Variants in ARHGAP44 observed in about 807,000 individuals in gnomAD.
The protein encoded by ARHGAP44 is Rho GTPase activating protein 44.
A neutral mutation model predicts 106.8 loss-of-function variants in ARHGAP44; 43 were observed. That is an observed-to-expected ratio of 0.40 (90% CI 0.32 to 0.52). The LOEUF is 0.52. ARHGAP44 is among the 20% of genes least tolerant of loss of function. The probability of loss-of-function intolerance (pLI) is 0.48; values close to 1 mark genes in which losing one functional copy is unlikely to be tolerated. For missense variants in ARHGAP44, 866 were observed against 1,050.5 expected, an observed-to-expected ratio of 0.82 and a Z score of 2.43; for synonymous variants, 439 against 410.3, an observed-to-expected ratio of 1.07 and a Z score of -0.85.
At chr17:12,818,187 C>T (rs1246979025) in intron 1 of ARHGAP44, among the ~76,000 whole-genome samples, 1 of 151,924 alleles carries the variant, frequency 6.6e-6, no homozygotes, top group African/African-American at 2.4e-5. Flanking sequence ...GTTGGGCCAA[C>T]ATTCACAAAT....
intron 10 of ARHGAP44, among the ~76,000 whole-genome samples, chr17:12,947,417 G>T (rs984005608): frequency 2.0e-5 from 3 of 151,930 alleles, no homozygotes; most frequent in Admixed American, 6.6e-5. Context: ...GTCCCCTCTG[G>T]CCTCTGACCT....
At chr17:12,897,710 CTTTTTT>C (rs71980749) in intron 3 of ARHGAP44, among the ~76,000 whole-genome samples, 5 of 108,952 alleles carry the variant, frequency 4.6e-5, no homozygotes, top group African/African-American at 1.1e-4. Flanking sequence ...TGATCTGTGT[CTTTTTT>C]TTTTTTTTTT....
intron 1 of ARHGAP44, among the ~76,000 whole-genome samples, chr17:12,841,318 G>C (rs1234859524): frequency 6.6e-6 from 1 of 151,896 alleles, no homozygotes; most frequent in Non-Finnish European, 1.5e-5. Context: ...CTTTGGAGGG[G>C]CCAGGCATGG....
intron 1 of ARHGAP44, among the ~76,000 whole-genome samples, chr17:12,850,629 T>C (rs1360095907): frequency 6.6e-6 from 1 of 152,036 alleles, no homozygotes; most frequent in Non-Finnish European, 1.5e-5. Context: ...CCCTCCTTTT[T>C]CCATTCCCTT....
chr17:12,951,674 A>G (rs1211444743), intron 12 of ARHGAP44, among the ~76,000 whole-genome samples: 1 of 152,218 alleles, frequency 6.6e-6, no homozygotes, highest in African/African-American at 2.4e-5. Flanking sequence ...TGAACCAGGG[A>G]AAAACAAGAA....
In ARHGAP44 at chr17:12,789,660, G is replaced by T; in HGVS notation, c.-179G>T. 2.6e-6 allele frequency: 1 copy of T among 386,878 alleles called. No individual in the cohort carries two copies. Among genetic ancestry groups the T allele is most frequent in the Non-Finnish European group, 4.4e-6 (1 of 225,610 alleles). The allele number at this position is 386,878 out of a possible 1,614,324, so 24.0% of individuals were successfully genotyped here. A position where few individuals can be genotyped will look rare whatever the true frequency, so the allele number is the denominator to read the frequency against. On this transcript the variant is annotated 5_prime_UTR_variant, in exon 1 of 21. The change creates a new upstream start codon in the 5' untranslated region. Transcript: ENST00000379672. ...TGCGGCAGGAGGCGGCGCGGCGGGA[G>T]GAGTAGGCGGCGGCGCCCTCGGGAG... is the stretch of plus-strand genomic sequence containing the variant.
intron 1 of ARHGAP44, among the ~76,000 whole-genome samples, chr17:12,796,452 C>G (rs1292418983): frequency 6.6e-6 from 1 of 152,174 alleles, no homozygotes; most frequent in Non-Finnish European, 1.5e-5. Flanking sequence ...ATTATACACA[C>G]ATACATACAC....
intron 16 of ARHGAP44, among the ~76,000 whole-genome samples, chr17:12,959,516 T>C (rs947380233): frequency 3.3e-5 from 5 of 152,228 alleles, no homozygotes; most frequent in African/African-American, 1.2e-4. Flanking sequence ...GTTAAATTAG[T>C]TTATATAATA....
chr17:12,989,135 C>A (rs1490030276), intron 20 of ARHGAP44, among the ~76,000 whole-genome samples: 1 of 121,548 alleles, frequency 8.2e-6, no homozygotes, highest in Non-Finnish European at 1.7e-5. Context: ...ACTAAGCAGG[C>A]GGAGGAAGGG....
chr17:12,925,149 C>T (rs1384027883), intron 6 of ARHGAP44, among the ~76,000 whole-genome samples: 1 of 152,152 alleles, frequency 6.6e-6, no homozygotes, highest in African/African-American at 2.4e-5. Context: ...CGCATGGGCT[C>T]ATGTCTCCCC....
In ARHGAP44 at chr17:12,789,830, G is replaced by C. The variant is rs1306477167; in HGVS notation, c.-9G>C. The C allele has an allele frequency of 2.0e-6, 3 of 1,505,376 alleles. No homozygotes were observed. Among genetic ancestry groups the C allele is most frequent in the Non-Finnish European group, 2.7e-6 (3 of 1,129,176 alleles). 93.3% of individuals were successfully genotyped at this position (1,505,376 alleles called of 1,614,324 possible). On this transcript the variant is annotated 5_prime_UTR_variant, in exon 1 of 21. Coordinates refer to ENST00000379672, the MANE Select transcript of ARHGAP44 (RefSeq NM_014859.6). ...CCAGCTCCCGGGCTAGCGCGGCAGC[G>C]GGGCCACGATGAAGAAGCAGTTCAA...
At position 12,948,424 on chromosome 17, in the gene ARHGAP44, C is replaced by T. The variant is rs554370109; in HGVS notation, c.862-716C>T. ...GTGGCTCACGCCTGTAATCCCAGCA[C>T]TTTGGGAGGCTGAGGCAGGTGGATC... On this transcript the variant is annotated intron_variant, in intron 10 of 20. Transcript: ENST00000379672. Among the ~76,000 whole-genome samples, 390 of 152,252 alleles carry T rather than the reference C, an allele frequency of 2.6e-3. 3 individuals carry two copies. Among genetic ancestry groups the T allele is most frequent in the Non-Finnish European group, 4.3e-3 (293 of 68,016 alleles).
intron 20 of ARHGAP44, chr17:12,985,819 G>C (rs1319896322): frequency 1.3e-5 from 2 of 152,246 alleles, no homozygotes; most frequent in East Asian, 1.9e-4. Context: ...GTGAGCTGGA[G>C]CATATGTGTA....
At chr17:12,926,960 A>G (rs576747055) in intron 6 of ARHGAP44, among the ~76,000 whole-genome samples, 1 of 152,310 alleles carries the variant, frequency 6.6e-6, no homozygotes, top group South Asian at 2.1e-4. Flanking sequence ...CCAAAACTCC[A>G]CAACACTTTA....
chr17:12,877,110 G>A (rs73292147), intron 1 of ARHGAP44, among the ~76,000 whole-genome samples: 7 of 152,206 alleles, frequency 4.6e-5, no homozygotes, highest in South Asian at 2.1e-4. Flanking sequence ...TAATAAGACC[G>A]TCTCTGCATC....
At chr17:12,943,176 G>T (rs1034887376) in intron 8 of ARHGAP44, among the ~76,000 whole-genome samples, 10 of 152,120 alleles carry the variant, frequency 6.6e-5, no homozygotes, top group Non-Finnish European at 1.3e-4. Context: ...TGAGTAGCTG[G>T]GATTACAGGC....
At chr17:12,830,532 C>CT (rs1348841492) in intron 1 of ARHGAP44, among the ~76,000 whole-genome samples, 1 of 152,094 alleles carries the variant, frequency 6.6e-6, no homozygotes, top group Non-Finnish European at 1.5e-5. Context: ...CTCTTATGCT[C>CT]TCCTTTACCT....
chr17:12,905,275 A>ATT (rs2037514008), intron 3 of ARHGAP44, among the ~76,000 whole-genome samples: 1 of 152,156 alleles, frequency 6.6e-6, no homozygotes, highest in African/African-American at 2.4e-5. Context: ...TAAAATTAAA[A>ATT]AGCATATCCC....
chr17:12,972,752 C>T (rs973979416), intron 16 of ARHGAP44, among the ~76,000 whole-genome samples: 1 of 151,482 alleles, frequency 6.6e-6, no homozygotes, highest in Non-Finnish European at 1.5e-5. Context: ...AGCTCCACCT[C>T]CTGGGTTCAT....
Sources: gnomAD v4.1 joint callset for allele counts (sites outside exome capture counted in the v4.1 genomes callset) on GRCh38, gnomAD v4.1.1 for gene constraint, MANE v1.5 for transcripts, NCBI Gene and HGNC (gene_info 2026-07-23, HGNC 2026-07-21) for gene names.